The following PSMD1 variants were observed in gnomAD, a reference collection of about 807,000 sequenced individuals.
PSMD1 encodes the protein 26S proteasome non-ATPase regulatory subunit 1.
Under a neutral mutation model 119.0 loss-of-function variants are expected in PSMD1, and 18 were observed. The observed-to-expected ratio is 0.15, with a 90% CI of 0.10 to 0.22. The LOEUF (loss-of-function observed/expected upper bound fraction) is 0.22. Among genes scored for constraint, PSMD1 ranks in the 10% least tolerant of loss-of-function variants. PSMD1 has a pLI of 1.00. For synonymous variants in PSMD1, 374 were observed against 396.6 expected (o/e 0.94, Z 0.68); for missense variants, 702 against 1,158.5 (o/e 0.61, Z 5.72).
chr2:231,119,089 T>A (rs1381138885), intron 16 of PSMD1, among the ~76,000 whole-genome samples: 1 of 152,210 alleles, frequency 6.6e-6, no homozygotes, highest in Non-Finnish European at 1.5e-5. Context: ...GTGTCTAATA[T>A]GATAGTGTTT....
At chr2:231,157,379 T>C (rs1375416008) in intron 19 of PSMD1, among the ~76,000 whole-genome samples, 2 of 151,094 alleles carry the variant, frequency 1.3e-5, no homozygotes, top group Non-Finnish European at 3.0e-5. Flanking sequence ...ACAAGTCATC[T>C]CACTGTGTTC....
At chr2:231,165,646 T>A (rs1696761551) in intron 22 of PSMD1, among the ~76,000 whole-genome samples, 1 of 152,188 alleles carries the variant, frequency 6.6e-6, no homozygotes, top group Non-Finnish European at 1.5e-5. Context: ...TCTCTGCTGG[T>A]AGAAAAACCT....
At chr2:231,159,305 G>A (rs1367072394) in intron 19 of PSMD1, among the ~76,000 whole-genome samples, 3 of 152,164 alleles carry the variant, frequency 2.0e-5, no homozygotes, top group Non-Finnish European at 4.4e-5. Flanking sequence ...TGATAATGGT[G>A]TATTTTGTTT....
chr2:231,138,578 T>C (rs759017365), intron 16 of PSMD1, among the ~76,000 whole-genome samples, 158 bp from the exon 17 acceptor site: 2 of 152,246 alleles, frequency 1.3e-5, no homozygotes, highest in Non-Finnish European at 2.9e-5. Flanking sequence ...CTTCTATCAA[T>C]AATTAGAACT....
intron 7 of PSMD1, among the ~76,000 whole-genome samples, 161 bp from the exon 8 acceptor site, chr2:231,075,350 G>T (rs1471593092): frequency 6.6e-6 from 1 of 152,136 alleles, no homozygotes; most frequent in Admixed American, 6.5e-5. Flanking sequence ...TAACTGGATT[G>T]CCTCCATCTT....
At chr2:231,136,609 C>T (rs1695971145) in intron 16 of PSMD1, among the ~76,000 whole-genome samples, 1 of 152,154 alleles carries the variant, frequency 6.6e-6, no homozygotes, top group Admixed American at 6.6e-5. Flanking sequence ...CTAAACCTGA[C>T]ATTCAAGACA....
Position 231,138,792 on chromosome 2 carries a change from A to C in PSMD1, c.1940A>C (p.His647Pro), listed in dbSNP as rs941415336. 6.2e-7 allele frequency: 1 copy of C among 1,614,044 alleles called. No homozygotes were observed. Among genetic ancestry groups the C allele is most frequent in the Non-Finnish European group, 8.5e-7 (1 of 1,180,030 alleles). Residue 647 changes from histidine to proline, a missense_variant, in exon 17 of 25, where the codon CAT (histidine) becomes CCT (proline). By Grantham distance (77) the His-to-Pro change is moderately conservative (BLOSUM62 -2). This residue lies in a region of PSMD1 where 272 missense variants were observed against 511.6 expected (regional missense o/e 0.53). Transcript: ENST00000308696. ...VSLLSESYNP[H>P]VRYGAAMALG... is the part of the protein sequence containing the mutation. ...TTGTTGTCAGAGAGTTACAACCCTC[A>C]TGTGCGCTACGGAGCTGCAATGGCC...
intron 2 of PSMD1, 71 bp downstream of exon 2, chr2:231,061,381 G>A: frequency 3.2e-6 from 4 of 1,257,630 alleles, no homozygotes; most frequent in South Asian, 1.4e-5. Flanking sequence ...AGTGATATCT[G>A]TAATCTTCCA....
chr2:231,132,001 T>C (rs1695866091), intron 16 of PSMD1, among the ~76,000 whole-genome samples: 1 of 152,200 alleles, frequency 6.6e-6, no homozygotes, highest in Non-Finnish European at 1.5e-5. Context: ...TTTTATATGC[T>C]TTTGAGTTTA....
chr2:231,059,076 A>C (rs1693691623), intron 1 of PSMD1, among the ~76,000 whole-genome samples: 1 of 152,222 alleles, frequency 6.6e-6, no homozygotes, highest in Non-Finnish European at 1.5e-5. Context: ...TCAGCCAGTC[A>C]AAGCAATTAA....
intron 9 of PSMD1, 23 bp from the exon 10 acceptor site, chr2:231,078,636 C>T (rs1694225569): frequency 6.3e-7 from 1 of 1,576,406 alleles, no homozygotes; most frequent in African/African-American, 1.4e-5. Context: ...AGTGATGAAA[C>T]AATTCTGTAT....
rs916152904 is a variant in PSMD1, at chr2:231,137,054, AAT to A, written c.1884-1673_1884-1672del. On this transcript the variant is annotated intron_variant, in intron 16 of 24. Transcript: ENST00000308696. Reference sequence around the variant, plus strand: ...ACCATATATAATTATATAATATATAAATATATATATTTTTATGTATAATATAT... The same window carrying A: ...ACCATATATAATTATATAATATATAAATATATATTTTTATGTATAATATAT... 4.1e-5 allele frequency among the ~76,000 whole-genome samples: 6 copies of A among 144,876 alleles called. No individual in the cohort carries two copies. The South Asian group carries it at 6.3e-4, about 15-fold the overall frequency.
intron 19 of PSMD1, among the ~76,000 whole-genome samples, chr2:231,160,196 T>G (rs1178585341): frequency 6.6e-6 from 1 of 152,158 alleles, no homozygotes; most frequent in Non-Finnish European, 1.5e-5. Flanking sequence ...GGGTTAGAGG[T>G]TAAGTTTTCT....
chr2:231,080,707 T>C (rs1364111425), intron 12 of PSMD1, among the ~76,000 whole-genome samples: 1 of 152,196 alleles, frequency 6.6e-6, no homozygotes, highest in Non-Finnish European at 1.5e-5. Flanking sequence ...GTAAATCTTT[T>C]GGAAAAGCTT....
chr2:231,164,979 T>A (rs1696724176), intron 21 of PSMD1: 1 of 181,142 alleles, frequency 5.5e-6, no homozygotes, highest in Non-Finnish European at 1.1e-5. Context: ...AGTAGTAAAT[T>A]ATTTCAGTAA....
chr2:231,057,680 C>T (rs1012830816), intron 1 of PSMD1, among the ~76,000 whole-genome samples: 40 of 152,238 alleles, frequency 2.6e-4, no homozygotes, highest in Non-Finnish European at 2.9e-5. Context: ...GTTATGTGCT[C>T]AGTCTGTTGA....
At chr2:231,105,412 A>G (rs1233652426) in intron 16 of PSMD1, among the ~76,000 whole-genome samples, 1 of 152,178 alleles carries the variant, frequency 6.6e-6, no homozygotes, top group Non-Finnish European at 1.5e-5. Flanking sequence ...CTGAAAACTC[A>G]TTTGGAAGTG....
At chr2:231,081,927 A>G (rs1378204720) in intron 12 of PSMD1, among the ~76,000 whole-genome samples, 1 of 152,044 alleles carries the variant, frequency 6.6e-6, no homozygotes, top group Non-Finnish European at 1.5e-5. Context: ...ATCCTAAACA[A>G]AATTCTTTTC....
intron 18 of PSMD1, among the ~76,000 whole-genome samples, chr2:231,152,045 C>T (rs993249705): frequency 3.3e-5 from 5 of 152,084 alleles, no homozygotes; most frequent in African/African-American, 1.2e-4. Context: ...AACTCCTGAC[C>T]TCAGGTGATT....
Sources: allele counts gnomAD v4.1 joint callset (sites outside exome capture counted in the v4.1 genomes callset), GRCh38; gene constraint gnomAD v4.1.1; regional missense constraint gnomAD v4.1.1; transcripts MANE v1.5; gene names NCBI Gene and HGNC (gene_info 2026-07-23, HGNC 2026-07-21).